The following SORBS2 variants were observed in gnomAD, a reference collection of about 807,000 sequenced individuals.
SORBS2 encodes sorbin and SH3 domain containing 2.
In SORBS2, 46 loss-of-function variants were observed where a neutral mutation model predicts 97.7. The observed-to-expected ratio is 0.47, with a 90% CI of 0.37 to 0.60. The LOEUF (loss-of-function observed/expected upper bound fraction) is 0.60. SORBS2 is among the 20% of genes least tolerant of loss of function. SORBS2 has a pLI of 0.00. For synonymous variants in SORBS2, 476 were observed against 473.4 expected (o/e 1.01, Z -0.07); for missense variants, 1,316 against 1,282.3 (o/e 1.03, Z -0.40).
chr4:185,689,783 T>C (rs2098055816), intron 2 of SORBS2, among the ~76,000 whole-genome samples: 1 of 152,202 alleles, frequency 6.6e-6, no homozygotes, highest in South Asian at 2.1e-4. Context: ...CCATCCTTTC[T>C]ACTCTGCCAT....
chr4:185,845,486 G>C (rs2099214072), intron 1 of SORBS2, among the ~76,000 whole-genome samples: 1 of 152,152 alleles, frequency 6.6e-6, no homozygotes, highest in African/African-American at 2.4e-5. Flanking sequence ...AAACAAAGGA[G>C]AAAGTCTTTG....
intron 4 of SORBS2, 22 bp downstream of exon 15, chr4:185,638,057 T>G: frequency 2.9e-6 from 4 of 1,384,578 alleles, no homozygotes; most frequent in Non-Finnish European, 4.1e-6. Flanking sequence ...TTTTCTTATA[T>G]TAATAGTCTA....
intron 1 of SORBS2, among the ~76,000 whole-genome samples, chr4:185,886,849 A>T (rs1249726304): frequency 6.6e-6 from 1 of 152,226 alleles, no homozygotes; most frequent in Non-Finnish European, 1.5e-5. Flanking sequence ...AAATATTTGA[A>T]AAGCTGGGCT....
chr4:185,881,334 C>T (rs1045278573), intron 1 of SORBS2, among the ~76,000 whole-genome samples: 1 of 152,106 alleles, frequency 6.6e-6, no homozygotes, highest in African/African-American at 2.4e-5. Flanking sequence ...AAAGAAGAAA[C>T]TATTATAGCA....
intron 4 of SORBS2, among the ~76,000 whole-genome samples, chr4:185,671,209 A>C (rs900876556): frequency 3.9e-5 from 6 of 152,158 alleles, no homozygotes; most frequent in South Asian, 2.1e-4. Context: ...CAAGTGATCT[A>C]AAATTGTCAC....
At chr4:185,886,099 T>C (rs2099239290) in intron 1 of SORBS2, among the ~76,000 whole-genome samples, 1 of 152,200 alleles carries the variant, frequency 6.6e-6, no homozygotes, top group African/African-American at 2.4e-5. Context: ...AGCAAGCCCC[T>C]GGGCGATTGG....
chr4:185,940,486 C>T (rs1025601394), intron 1 of SORBS2, among the ~76,000 whole-genome samples: 1 of 152,106 alleles, frequency 6.6e-6, no homozygotes, highest in African/African-American at 2.4e-5. Flanking sequence ...CTGTCCAAGC[C>T]CCCCTCATCT....
chr4:185,598,015 A>G (rs2096155454), intron 12 of SORBS2, among the ~76,000 whole-genome samples: 2 of 152,116 alleles, frequency 1.3e-5, no homozygotes, highest in African/African-American at 4.8e-5. Context: ...GTCCATTTCT[A>G]TTTTGACTAT....
At chr4:185,934,557 T>A (rs1161968355) in intron 1 of SORBS2, among the ~76,000 whole-genome samples, 1 of 152,024 alleles carries the variant, frequency 6.6e-6, no homozygotes, top group Non-Finnish European at 1.5e-5. Context: ...GGTCAGGAGT[T>A]CGACACCAGC....
intron 2 of SORBS2, among the ~76,000 whole-genome samples, chr4:185,687,773 A>G (rs1274596794): frequency 1.3e-5 from 2 of 152,376 alleles, no homozygotes; most frequent in East Asian, 3.9e-4. Flanking sequence ...GCTGAATTCT[A>G]AAACTTGAGG....
At chr4:185,813,783 G>T (rs2153668653) in intron 1 of SORBS2, among the ~76,000 whole-genome samples, 1 of 152,246 alleles carries the variant, frequency 6.6e-6, no homozygotes, top group Admixed American at 6.5e-5. Context: ...CCCAGGTGGG[G>T]TCTGAGCGAC....
intron 5 of SORBS2, among the ~76,000 whole-genome samples, chr4:185,628,967 C>T (rs908980919): frequency 1.3e-5 from 2 of 152,198 alleles, no homozygotes; most frequent in African/African-American, 4.8e-5. Context: ...GATTCTTAGA[C>T]AAGACTTGTG....
intron 7 of SORBS2, 100 bp downstream of exon 19, chr4:185,622,814 G>T (rs911909194): frequency 3.3e-6 from 4 of 1,228,256 alleles, no homozygotes; most frequent in African/African-American, 3.0e-5. Context: ...ACGCCAAATG[G>T]TCTCCCAGCT....
chr4:185,790,880 C>G (rs2099077009), intron 1 of SORBS2, among the ~76,000 whole-genome samples: 1 of 152,180 alleles, frequency 6.6e-6, no homozygotes, highest in Non-Finnish European at 1.5e-5. Flanking sequence ...AATTGCATTC[C>G]TGTTCCACAT....
Position 185,678,414 on chromosome 4 carries a change from C to A in SORBS2, c.-46+9G>T. 1 of 1,547,672 alleles carries A rather than the reference C, an allele frequency of 6.5e-7. No homozygotes were observed. Among genetic ancestry groups the A allele is most frequent in the Non-Finnish European group, 8.7e-7 (1 of 1,145,444 alleles). ...AAATAATGCAGTAGCCAAGAGTGTG[C>A]AGGGTTACCTGAGTTGGTGATCTTT... On this transcript the variant is annotated intron_variant, in intron 4 of 20. Transcript: ENST00000284776.
chr4:185,774,059 A>G (rs1176644328), intron 2 of SORBS2: 3 of 150,962 alleles, frequency 2.0e-5, no homozygotes, highest in African/African-American at 7.3e-5. Context: ...CTTTCCTTTG[A>G]TATGTGCTCT....
chr4:185,661,966 C>G, upstream of SORBS2: 1 of 875,346 alleles, frequency 1.1e-6, no homozygotes. Flanking sequence ...GTTGGGTCCT[C>G]TGCCCCAGTT....
intron 1 of SORBS2, among the ~76,000 whole-genome samples, chr4:185,890,474 C>T (rs970910873): frequency 6.6e-6 from 1 of 152,128 alleles, no homozygotes; most frequent in Non-Finnish European, 1.5e-5. Flanking sequence ...GAGGTTTAGC[C>T]AGGATTAGAA....
chr4:185,850,189 TC>T (rs1358936880), intron 1 of SORBS2, among the ~76,000 whole-genome samples: 1 of 152,066 alleles, frequency 6.6e-6, no homozygotes, highest in Non-Finnish European at 1.5e-5. Context: ...AGTCACCACT[TC>T]CCCCTAAAAT....
Sources: gnomAD v4.1 joint callset for allele counts (sites outside exome capture counted in the v4.1 genomes callset) on GRCh38, gnomAD v4.1.1 for gene constraint, MANE v1.5 for transcripts, NCBI Gene and HGNC (gene_info 2026-07-23, HGNC 2026-07-21) for gene names.